The following SEPHS1 variants were observed in gnomAD, a reference collection of about 807,000 sequenced individuals.
SEPHS1 encodes the protein zincore component SEPHS1.
SEPHS1 carries 7 observed loss-of-function variants against 39.2 expected under a neutral mutation model. The observed-to-expected ratio is 0.18, with a 90% CI of 0.10 to 0.34. The LOEUF is 0.34. SEPHS1 is among the 10% of genes least tolerant of loss of function. The pLI is 1.00. For missense variants in SEPHS1, 253 were observed against 514.5 expected (o/e 0.49, Z 4.92); for synonymous variants, 190 against 195.5 (o/e 0.97, Z 0.23).
At chr10:13,321,035 G>A (rs1211672472) in intron 8 of SEPHS1, among the ~76,000 whole-genome samples, 10 of 152,042 alleles carry the variant, frequency 6.6e-5, no homozygotes, top group Admixed American at 2.6e-4. Flanking sequence ...AGGCTGAAGC[G>A]TCCTCTATAA....
At chr10:13,334,356 C>CA (rs1833561958) in intron 4 of SEPHS1, among the ~76,000 whole-genome samples, 1 of 152,016 alleles carries the variant, frequency 6.6e-6, no homozygotes, top group Non-Finnish European at 1.5e-5. Flanking sequence ...GCCTGGCCAA[C>CA]ATGGTGAAAC....
At chr10:13,346,742 T>C (rs1833934751) in intron 1 of SEPHS1, among the ~76,000 whole-genome samples, 1 of 151,544 alleles carries the variant, frequency 6.6e-6, no homozygotes, top group Non-Finnish European at 1.5e-5. Flanking sequence ...AAAGAAAAAA[T>C]CCAACTCACG....
intron 7 of SEPHS1, among the ~76,000 whole-genome samples, chr10:13,326,610 T>C (rs1001643863): frequency 3.3e-5 from 5 of 151,798 alleles, no homozygotes; most frequent in Non-Finnish European, 5.9e-5. Context: ...CGTAGGGGTA[T>C]GATCACCACT....
intron 3 of SEPHS1, 133 bp from the exon 4 acceptor site, chr10:13,336,483 C>A (rs1308179103): frequency 4.2e-6 from 3 of 706,224 alleles, no homozygotes; most frequent in Non-Finnish European, 7.7e-6. Flanking sequence ...ATGGGGTCCT[C>A]AGTTTCTATG....
chr10:13,318,704 C>G lies in SEPHS1; in HGVS notation c.*438G>C, dbSNP rs1246037641. 5.4e-6 allele frequency: 1 copy of G among 184,766 alleles called. No homozygotes were observed. The highest frequency in any genetic ancestry group is 6.4e-5 in the Admixed American group (1 of 15,556). 11.4% of individuals were successfully genotyped at this position (184,766 alleles called of 1,614,324 possible). A position where few individuals can be genotyped will look rare whatever the true frequency, so the allele number is the denominator to read the frequency against. ...CTGGGATACCGTCATGTGCCACTTA[C>G]CAATGCTGTCTCTCCAGAAAACCAT... On this transcript the variant is annotated 3_prime_UTR_variant, in exon 9 of 9. Transcript: ENST00000327347.
intron 7 of SEPHS1, among the ~76,000 whole-genome samples, chr10:13,327,801 A>C (rs1035327773): frequency 6.6e-6 from 1 of 152,240 alleles, no homozygotes; most frequent in South Asian, 2.1e-4. Flanking sequence ...AAAGGAATCT[A>C]CTACAGCTAC....
chr10:13,343,427 G>C (rs1047305869), intron 2 of SEPHS1, among the ~76,000 whole-genome samples: 1 of 152,134 alleles, frequency 6.6e-6, no homozygotes, highest in Non-Finnish European at 1.5e-5. Context: ...ACAAAAGCAA[G>C]TCTGCTTTTA....
intron 2 of SEPHS1, among the ~76,000 whole-genome samples, chr10:13,343,117 T>C (rs913460297): frequency 1.3e-5 from 2 of 152,240 alleles, no homozygotes; most frequent in Non-Finnish European, 2.9e-5. Flanking sequence ...TATGAGTGAC[T>C]AGTAAGTAAC....
chr10:13,323,706 A>C lies in SEPHS1; in HGVS notation c.752-659T>G, dbSNP rs1482623142. ...CTCAGTATCAAGGTACTCCCGCGAA[A>C]GGTGAATTGCGTGCAAGTTTATTTT... On this transcript the variant is annotated intron_variant, in intron 7 of 8. Transcript: ENST00000327347. Among the ~76,000 whole-genome samples the C allele has an allele frequency of 2.6e-5, 4 of 152,070 alleles. No homozygotes were observed. The South Asian group carries it at 8.3e-4, about 32-fold the overall frequency.
At chr10:13,331,256 C>T (rs1046036958) in intron 5 of SEPHS1, among the ~76,000 whole-genome samples, 25 of 152,156 alleles carry the variant, frequency 1.6e-4, no homozygotes, top group African/African-American at 4.6e-4. Context: ...TGAGTTGGTT[C>T]CAAGTCTTAG....
At position 13,322,840 on chromosome 10, in the gene SEPHS1, G is replaced by A. The variant is rs760228317; in HGVS notation, c.959C>T (p.Thr320Ile). The change falls in exon 8 of 9, where the codon ACT becomes ATT. Residue 320 changes from threonine to isoleucine, a missense_variant. Coordinates refer to ENST00000327347, the MANE Select transcript of SEPHS1 (RefSeq NM_012247.5). The stretch of plus-strand genomic sequence containing the variant: ...ATGCGCCCAGCATCCTGTACCTGAA[G>A]TCTCCGGGCAGGTCCCGTGCATGAG... ...FGLMHGTCPE[T>I]SGGLLICLPR... The A allele has an allele frequency of 1.2e-6, 2 of 1,613,180 alleles. No individual in the cohort carries two copies. Among genetic ancestry groups the A allele is most frequent in the Non-Finnish European group, 8.5e-7 (1 of 1,179,796 alleles).
chr10:13,321,252 T>TC (rs1422361903), intron 8 of SEPHS1, among the ~76,000 whole-genome samples: 2 of 111,774 alleles, frequency 1.8e-5, no homozygotes, highest in Non-Finnish European at 3.7e-5. Flanking sequence ...TGTGTATTTT[T>TC]CTTTTTTTTT....
intron 1 of SEPHS1, among the ~76,000 whole-genome samples, chr10:13,347,516 C>T (rs1222791806): frequency 6.8e-6 from 1 of 146,158 alleles, no homozygotes; most frequent in Admixed American, 6.8e-5. Flanking sequence ...CGGGAGCCGG[C>T]GGGCACCGCG....
intron 3 of SEPHS1, among the ~76,000 whole-genome samples, chr10:13,338,328 T>C (rs1463751666): frequency 6.6e-6 from 1 of 152,140 alleles, no homozygotes; most frequent in East Asian, 1.9e-4. Flanking sequence ...CAGTAACATC[T>C]CCAGCCTAAA....
At chr10:13,328,161 A>T (rs1482421675) in intron 7 of SEPHS1, among the ~76,000 whole-genome samples, 190 bp downstream of exon 7, 8 of 151,974 alleles carry the variant, frequency 5.3e-5, no homozygotes, top group Non-Finnish European at 1.2e-4. Flanking sequence ...CTTCTTAATT[A>T]TAAAGCACTG....
At chr10:13,342,760 G>A (rs1169386990) in intron 2 of SEPHS1, among the ~76,000 whole-genome samples, 4 of 150,208 alleles carry the variant, frequency 2.7e-5, no homozygotes, top group Non-Finnish European at 5.9e-5. Flanking sequence ...TTTTGAGGCA[G>A]GGTCTCACTC....
chr10:13,339,725 A>G (rs1164050787), intron 2 of SEPHS1, among the ~76,000 whole-genome samples: 1 of 152,136 alleles, frequency 6.6e-6, no homozygotes, highest in Admixed American at 6.5e-5. Flanking sequence ...ACCTACACAC[A>G]TCTTCTCACA....
At chr10:13,332,187 C>T (rs1833492579) in intron 5 of SEPHS1, among the ~76,000 whole-genome samples, 1 of 152,210 alleles carries the variant, frequency 6.6e-6, no homozygotes, top group African/African-American at 2.4e-5. Flanking sequence ...GATTATACAG[C>T]CATGGAAAGG....
At chr10:13,321,155 G>A (rs923885667) in intron 8 of SEPHS1, among the ~76,000 whole-genome samples, 1 of 152,144 alleles carries the variant, frequency 6.6e-6, no homozygotes, top group Non-Finnish European at 1.5e-5. Flanking sequence ...GGCCTACTAC[G>A]GAATCTCCCA....
Sources: allele counts gnomAD v4.1 joint callset (sites outside exome capture counted in the v4.1 genomes callset), GRCh38; gene constraint gnomAD v4.1.1; transcripts MANE v1.5; gene names NCBI Gene and HGNC (gene_info 2026-07-23, HGNC 2026-07-21).